The following MSRA variants were observed in gnomAD, a reference collection of about 807,000 sequenced individuals.
MSRA encodes methionine sulfoxide reductase A.
Under a neutral mutation model 31.3 loss-of-function variants are expected in MSRA, and 54 were observed. The ratio of observed to expected loss-of-function variants is 1.73; its 90% CI spans 1.39 to 2.17. The LOEUF is 2.17. MSRA is among the 30% of genes most tolerant of loss of function. MSRA has a pLI of 0.00. For missense variants in MSRA, 507 were observed against 300.9 expected, an observed-to-expected ratio of 1.69 and a Z score of -5.07; for synonymous variants, 169 against 116.5, an observed-to-expected ratio of 1.45 and a Z score of -2.90.
intron 4 of MSRA, among the ~76,000 whole-genome samples, chr8:10,317,190 C>T (rs1463757507): frequency 6.6e-6 from 1 of 152,222 alleles, no homozygotes; most frequent in African/African-American, 2.4e-5. Flanking sequence ...TTGTTCCTGA[C>T]TTGTCCTGAT....
At chr8:10,270,538 A>G (rs1158052401) in intron 3 of MSRA, among the ~76,000 whole-genome samples, 1 of 152,224 alleles carries the variant, frequency 6.6e-6, no homozygotes, top group Non-Finnish European at 1.5e-5. Flanking sequence ...AGTCATGCCC[A>G]GGATGCTCAT....
At chr8:10,381,142 C>T (rs889676106) in intron 5 of MSRA, among the ~76,000 whole-genome samples, 29 of 152,150 alleles carry the variant, frequency 1.9e-4, no homozygotes, top group Non-Finnish European at 4.3e-4. Context: ...GTGACTTCCC[C>T]AGTGGTCTCT....
At chr8:10,132,289 C>T (rs1230431883) in intron 1 of MSRA, among the ~76,000 whole-genome samples, 1 of 152,174 alleles carries the variant, frequency 6.6e-6, no homozygotes, top group Admixed American at 6.5e-5. Flanking sequence ...ATTCTTGCTC[C>T]ACTGCAGCTC....
At position 10,306,270 on chromosome 8, in the gene MSRA, C is replaced by T. The variant is rs150956237; in HGVS notation, c.436+4632C>T. Among the ~76,000 whole-genome samples, 1,257 of 152,082 alleles carry T rather than the reference C, an allele frequency of 8.3e-3. 11 individuals carry two copies. The highest frequency in any genetic ancestry group is 0.028 in the African/African-American group (1,172 of 41,478). On this transcript the variant is annotated intron_variant, in intron 4 of 5. Coordinates refer to ENST00000317173, the MANE Select transcript of MSRA (RefSeq NM_012331.5). ...AAAGGGATAATAATGTCTATACTGC[C>T]GACTTAATGGTCTGATGTAGGAATT...
intron 2 of MSRA, among the ~76,000 whole-genome samples, chr8:10,211,929 A>G (rs972785175): frequency 2.6e-5 from 4 of 152,216 alleles, no homozygotes; most frequent in Admixed American, 2.0e-4. Context: ...TAATTTCACG[A>G]GAAAATCAAA....
In MSRA at chr8:10,142,023, A is replaced by G. The variant is rs1341157194; in HGVS notation, c.143-65810A>G. ...TCCCAGTCTGGAGTGCAATGGCGCG[A>G]TCTTGGCTCACCGCAACCTCTGCCT... On this transcript the variant is annotated intron_variant, in intron 1 of 5. Transcript: ENST00000317173. 3.3e-5 allele frequency among the ~76,000 whole-genome samples: 5 copies of G among 152,110 alleles called. No homozygotes were observed. In the East Asian group the frequency reaches 9.6e-4, roughly 29 times the overall value.
intron 5 of MSRA, among the ~76,000 whole-genome samples, chr8:10,391,971 G>GTA (rs1235546369): frequency 6.6e-6 from 1 of 152,202 alleles, no homozygotes; most frequent in Non-Finnish European, 1.5e-5. Flanking sequence ...CCAAAAGGTG[G>GTA]TATTTTAGGC....
intron 1 of MSRA, among the ~76,000 whole-genome samples, chr8:10,080,931 C>T (rs1045099437): frequency 9.2e-5 from 14 of 152,138 alleles, no homozygotes; most frequent in African/African-American, 1.9e-4. Flanking sequence ...TCTTCCATAC[C>T]GCAGAAGGCT....
intron 2 of MSRA, among the ~76,000 whole-genome samples, 167 bp from the exon 3 acceptor site, chr8:10,244,937 T>C (rs1797536384): frequency 6.6e-6 from 1 of 152,226 alleles, no homozygotes; most frequent in African/African-American, 2.4e-5. Flanking sequence ...TATTTACCAA[T>C]GTTAAGAACT....
intron 1 of MSRA, among the ~76,000 whole-genome samples, chr8:10,182,478 A>G (rs1195764629): frequency 1.3e-5 from 2 of 152,228 alleles, no homozygotes; most frequent in Non-Finnish European, 2.9e-5. Context: ...GATAAGGTGG[A>G]GAGCTCATCT....
chr8:10,169,035 G>A (rs959984076), intron 1 of MSRA, among the ~76,000 whole-genome samples: 21 of 152,272 alleles, frequency 1.4e-4, no homozygotes, highest in Admixed American at 3.9e-4. Context: ...TTTTGCATTC[G>A]TATGATTTTC....
intron 1 of MSRA, among the ~76,000 whole-genome samples, chr8:10,118,691 G>C (rs1015321036): frequency 6.6e-6 from 1 of 152,124 alleles, no homozygotes; most frequent in African/African-American, 2.4e-5. Flanking sequence ...GGCACTTTCT[G>C]TTCTCTCCTC....
chr8:10,331,396 A>G (rs776269926), intron 5 of MSRA, among the ~76,000 whole-genome samples: 1 of 152,204 alleles, frequency 6.6e-6, no homozygotes, highest in East Asian at 1.9e-4. Context: ...AATTAAGAAC[A>G]GTGGAATGTT....
In MSRA at chr8:10,391,199, T is replaced by C. The variant is rs960754931; in HGVS notation, c.544-36949T>C. Among the ~76,000 whole-genome samples, 4 of 152,320 alleles carry C rather than the reference T, an allele frequency of 2.6e-5. No homozygotes were observed. In the South Asian group the frequency reaches 8.3e-4, roughly 32 times the overall value. On this transcript the variant is annotated intron_variant, in intron 5 of 5. Transcript: ENST00000317173. ...CTTTTGTATCTTCCCCTTAAATCTT[T>C]AAGTCATTGGTCACACACCCCAAGT...
intron 3 of MSRA, among the ~76,000 whole-genome samples, chr8:10,291,592 C>G (rs1320315598): frequency 1.3e-5 from 2 of 151,962 alleles, no homozygotes; most frequent in African/African-American, 2.4e-5. Context: ...GACATCTTAC[C>G]TCTTTGTAGT....
At chr8:10,179,920 T>G (rs1251584275) in intron 1 of MSRA, among the ~76,000 whole-genome samples, 1 of 152,218 alleles carries the variant, frequency 6.6e-6, no homozygotes, top group Non-Finnish European at 1.5e-5. Flanking sequence ...GAAAACTGTT[T>G]CCTCTACACT....
At chr8:10,363,970 T>C (rs1378547373) in intron 5 of MSRA, among the ~76,000 whole-genome samples, 1 of 151,958 alleles carries the variant, frequency 6.6e-6, no homozygotes, top group African/African-American at 2.4e-5. Context: ...AGAACACATG[T>C]ATTTACCTAA....
chr8:10,060,762 A>G (rs1249017204), intron 1 of MSRA, among the ~76,000 whole-genome samples: 3 of 152,194 alleles, frequency 2.0e-5, no homozygotes, highest in Non-Finnish European at 4.4e-5. Flanking sequence ...TGAAATCGGA[A>G]TAAGTTAATC....
chr8:10,320,994 A>G (rs1243692832), intron 5 of MSRA, among the ~76,000 whole-genome samples: 2 of 152,208 alleles, frequency 1.3e-5, no homozygotes, highest in Non-Finnish European at 1.5e-5. Flanking sequence ...TAGGACTCCA[A>G]CATATCTTTT....
Sources: allele counts gnomAD v4.1 joint callset (sites outside exome capture counted in the v4.1 genomes callset), GRCh38; gene constraint gnomAD v4.1.1; transcripts MANE v1.5; gene names NCBI Gene and HGNC (gene_info 2026-07-23, HGNC 2026-07-21).